The following TRIM13 variants were observed in gnomAD, a reference collection of about 807,000 sequenced individuals.
The protein encoded by TRIM13 is tripartite motif containing 13, also known as E3 ubiquitin-protein ligase TRIM13.
TRIM13 carries 15 observed loss-of-function variants against 27.1 expected under a neutral mutation model. The ratio of observed to expected loss-of-function variants is 0.55; its 90% CI spans 0.37 to 0.85. The LOEUF (loss-of-function observed/expected upper bound fraction) is 0.85, where lower values mean the gene tolerates loss of function less well. Among genes scored for constraint, TRIM13 ranks in the 40% least tolerant of loss-of-function variants. The probability of loss-of-function intolerance (pLI) is 0.00; values close to 1 mark genes in which losing one functional copy is unlikely to be tolerated. For synonymous variants in TRIM13, 193 were observed against 171.5 expected (o/e 1.13, Z -0.98); for missense variants, 402 against 472.2 (o/e 0.85, Z 1.38).
intron 1 of TRIM13, among the ~76,000 whole-genome samples, chr13:50,010,646 C>T (rs1039068473): frequency 1.3e-5 from 2 of 152,158 alleles, no homozygotes; most frequent in African/African-American, 2.4e-5. Context: ...TAATGGGAAG[C>T]TGTCAGGCTC....
At chr13:50,010,301 T>C (rs2472596) in intron 1 of TRIM13, among the ~76,000 whole-genome samples, 3 of 152,160 alleles carry the variant, frequency 2.0e-5, no homozygotes, top group Non-Finnish European at 4.4e-5. Flanking sequence ...CGGTCCACTC[T>C]CTGCAGCCTT....
intron 1 of TRIM13, among the ~76,000 whole-genome samples, chr13:50,000,791 C>T (rs1275557460): frequency 6.6e-6 from 1 of 152,190 alleles, no homozygotes; most frequent in Non-Finnish European, 1.5e-5. Context: ...TAAGAAGACA[C>T]AAAAGCTAGT....
intron 1 of TRIM13, 126 bp from the exon 2 acceptor site, chr13:50,011,809 C>T: frequency 8.4e-7 from 1 of 1,184,114 alleles, no homozygotes; most frequent in African/African-American, 1.5e-5. Flanking sequence ...AAATTTCTCA[C>T]TACTTTGTTT....
Position 50,011,948 on chromosome 13 carries a change from T to A in TRIM13, c.8T>A (p.Leu3Gln), listed in dbSNP as rs1429325352. The change falls in exon 2 of 2, where the codon CTG becomes CAG. Residue 3 changes from leucine (L) to glutamine (Q), a missense_variant. This residue lies in a region of TRIM13 where 202 missense variants were observed against 277.5 expected (regional missense o/e 0.73). Coordinates refer to ENST00000378182, the MANE Select transcript of TRIM13 (RefSeq NM_213590.3). MELLEEDLTCPIC... is the reference protein window; with the variant it reads MEQLEEDLTCPIC... ...TTTTTCTGGTAGGATGTGATGGAGC[T>A]GCTTGAAGAAGATCTCACATGCCCT... 5 of 1,605,510 alleles carry A rather than the reference T, an allele frequency of 3.1e-6. No homozygotes were observed. Among genetic ancestry groups the A allele is most frequent in the Non-Finnish European group, 4.3e-6 (5 of 1,175,274 alleles).
At chr13:50,008,095 C>T (rs981747147) in intron 1 of TRIM13, among the ~76,000 whole-genome samples, 2 of 151,832 alleles carry the variant, frequency 1.3e-5, no homozygotes, top group Admixed American at 6.6e-5. Flanking sequence ...TTAGTAGAGA[C>T]GGGGTTTTAC....
intron 1 of TRIM13, among the ~76,000 whole-genome samples, chr13:50,004,285 T>A (rs1209900698): frequency 6.6e-6 from 1 of 151,282 alleles, no homozygotes; most frequent in East Asian, 1.9e-4. Flanking sequence ...TGCTGAAACA[T>A]CATCTATACA....
intron 1 of TRIM13, among the ~76,000 whole-genome samples, chr13:50,005,625 T>C (rs1874588613): frequency 1.3e-5 from 2 of 150,360 alleles, no homozygotes. Flanking sequence ...CAGTGAGTTG[T>C]GATTACACCA....
rs1876359181 is a variant in TRIM13 at position 50,015,134 on chromosome 13, TATATATATATATATA to T, written c.*1971_*1985del. On this transcript the variant is annotated 3_prime_UTR_variant, in exon 2 of 2. Coordinates refer to ENST00000378182, the MANE Select transcript of TRIM13 (RefSeq NM_213590.3). ...ATATATATATATATATATATATATA[TATATATATATATATA>T]TAGTTTTACTAGGTTTTCATGGATA... is the stretch of plus-strand genomic sequence containing the variant. 1 of 95,940 alleles carries T rather than the reference TATATATATATATATA, an allele frequency of 1.0e-5. No individual in the cohort carries two copies. The highest frequency in any genetic ancestry group is 4.5e-5 in the African/African-American group (1 of 22,094). 5.9% of individuals were successfully genotyped at this position (95,940 alleles called of 1,614,324 possible).
chr13:50,006,227 C>T (rs1176757595), intron 1 of TRIM13, among the ~76,000 whole-genome samples: 1 of 151,902 alleles, frequency 6.6e-6, no homozygotes, highest in Non-Finnish European at 1.5e-5. Flanking sequence ...TTTATTATTT[C>T]TAAGTTTTCC....
In TRIM13 at chr13:50,014,367, A is replaced by ACC; in HGVS notation, c.*1204_*1205insCC. On this transcript the variant is annotated 3_prime_UTR_variant, in exon 2 of 2. Transcript: ENST00000378182. Reference sequence around the variant, plus strand: ...AAAATATATATATATATATACACACACACACACACATATGTACACATACAT... The same window carrying ACC: ...AAAATATATATATATATATACACACACCCACACACACATATGTACACATACAT... The ACC allele has an allele frequency of 7.5e-6, 1 of 133,188 alleles. No individual in the cohort carries two copies. Among genetic ancestry groups the ACC allele is most frequent in the South Asian group, 2.7e-4 (1 of 3,644 alleles). 8.3% of individuals were successfully genotyped at this position (133,188 alleles called of 1,614,324 possible). A position where few individuals can be genotyped will look rare whatever the true frequency, so the allele number is the denominator to read the frequency against.
rs1262316060 is a variant in TRIM13, at chr13:50,013,944, T to A, written c.*780T>A. 5 of 166,542 alleles carry A rather than the reference T, an allele frequency of 3.0e-5. No homozygotes were observed. In the East Asian group the frequency reaches 9.8e-4, roughly 33 times the overall value. 10.3% of individuals were successfully genotyped at this position (166,542 alleles called of 1,614,324 possible). On this transcript the variant is annotated 3_prime_UTR_variant, in exon 2 of 2. Transcript: ENST00000378182. ...CGCGTGTGTGGGAGACAACTAAAGG[T>A]ATTGAAGGTACTAATTAATTAGATT...
intron 1 of TRIM13, among the ~76,000 whole-genome samples, chr13:49,999,182 G>C (rs1045644002): frequency 1.3e-5 from 2 of 151,792 alleles, no homozygotes; most frequent in Non-Finnish European, 2.9e-5. Context: ...CACGGGTGCA[G>C]GTGTCATGGC....
At chr13:50,007,835 C>CT (rs1196418499) in intron 1 of TRIM13, among the ~76,000 whole-genome samples, 2 of 149,738 alleles carry the variant, frequency 1.3e-5, no homozygotes, top group East Asian at 3.9e-4. Context: ...TCAGCTTGTC[C>CT]TTTAAATACT....
chr13:50,000,180 T>G lies in TRIM13; in HGVS notation c.-7+2417T>G, dbSNP rs181667150. On this transcript the variant is annotated intron_variant, in intron 1 of 1. Transcript: ENST00000378182. ...GGGTAGGTATGGTAACAAGTGTGTC[T>G]TATTGTTTTTTACTAAGTCCTATAA... Among the ~76,000 whole-genome samples the G allele has an allele frequency of 2.0e-3, 308 of 152,298 alleles. 2 individuals are homozygous for G. The highest frequency in any genetic ancestry group is 7.0e-3 in the African/African-American group (291 of 41,566).
chr13:50,009,935 GAAAAA>G (rs1228857216), intron 1 of TRIM13, among the ~76,000 whole-genome samples: 2 of 138,720 alleles, frequency 1.4e-5, no homozygotes, highest in Admixed American at 7.3e-5. Context: ...CATCTCTTAA[GAAAAA>G]AAGAAAAGAA....
In TRIM13 at chr13:50,013,189, C is replaced by T. The variant is rs1167314119; in HGVS notation, c.*25C>T. 1 of 1,509,124 alleles carries T rather than the reference C, an allele frequency of 6.6e-7. No homozygotes were observed. Among genetic ancestry groups the T allele is most frequent in the South Asian group, 1.4e-5 (1 of 72,046 alleles). 93.5% of individuals were successfully genotyped at this position (1,509,124 alleles called of 1,614,324 possible). On this transcript the variant is annotated 3_prime_UTR_variant, in exon 2 of 2. Coordinates refer to ENST00000378182, the MANE Select transcript of TRIM13 (RefSeq NM_213590.3). ...AAATCTGTTTCAAGTATGCAGTTTTCTTTTGTTAGAAATTGTTAGAGAATA... is the reference window on the plus strand; with the variant it reads ...AAATCTGTTTCAAGTATGCAGTTTTTTTTTGTTAGAAATTGTTAGAGAATA...
At chr13:50,006,135 TTG>T (rs1566435753) in intron 1 of TRIM13, among the ~76,000 whole-genome samples, 2 of 141,026 alleles carry the variant, frequency 1.4e-5, no homozygotes, top group Non-Finnish European at 3.1e-5. Flanking sequence ...TGCAATTTTT[TTG>T]AAGATACTTT....
rs1381717555 is a variant in TRIM13, at chr13:50,018,428, A to C, written c.*5264A>C. Reference sequence around the variant, plus strand: ...GTGGAATGATTTGCTAATATTGAGAATCTGTTGTATCAAACATAATAAACT... The same window carrying C: ...GTGGAATGATTTGCTAATATTGAGACTCTGTTGTATCAAACATAATAAACT... On this transcript the variant is annotated 3_prime_UTR_variant, in exon 2 of 2. Coordinates refer to ENST00000378182, the MANE Select transcript of TRIM13 (RefSeq NM_213590.3). The C allele has an allele frequency of 6.0e-6, 1 of 166,460 alleles. No individual in the cohort carries two copies. Among genetic ancestry groups the C allele is most frequent in the Non-Finnish European group, 1.5e-5 (1 of 68,106 alleles). The allele number at this position is 166,460 out of a possible 1,614,324, so 10.3% of individuals were successfully genotyped here. A position where few individuals can be genotyped will look rare whatever the true frequency, so the allele number is the denominator to read the frequency against.
chr13:49,998,765 C>T (rs1178206765), intron 1 of TRIM13, among the ~76,000 whole-genome samples: 1 of 151,790 alleles, frequency 6.6e-6, no homozygotes, highest in Non-Finnish European at 1.5e-5. Flanking sequence ...CCCATCTTTA[C>T]TAACAATACA....
Sources: allele counts gnomAD v4.1 joint callset (sites outside exome capture counted in the v4.1 genomes callset), GRCh38; gene constraint gnomAD v4.1.1; regional missense constraint gnomAD v4.1.1; transcripts MANE v1.5; gene names NCBI Gene and HGNC (gene_info 2026-07-23, HGNC 2026-07-21).